Variants in DAPK1 observed in about 807,000 individuals in gnomAD.
DAPK1 encodes the protein death-associated protein kinase 1.
In DAPK1, 56 loss-of-function variants were observed where a neutral mutation model predicts 144.9. That is an observed-to-expected ratio of 0.39 (90% CI 0.31 to 0.48). DAPK1 has a LOEUF of 0.48. DAPK1 is among the 20% of genes least tolerant of loss of function. DAPK1 has a pLI of 0.95. For synonymous variants in DAPK1, 690 were observed against 749.0 expected, an observed-to-expected ratio of 0.92 and a Z score of 1.29; for missense variants, 1,454 against 1,875.4, an observed-to-expected ratio of 0.78 and a Z score of 4.15.
intron 17 of DAPK1, among the ~76,000 whole-genome samples, chr9:87,652,369 T>G (rs1587813313): frequency 1.4e-5 from 1 of 73,068 alleles, no homozygotes; most frequent in Non-Finnish European, 2.8e-5. Flanking sequence ...TCCTCCCACC[T>G]GATCCCGGGT....
intron 2 of DAPK1, among the ~76,000 whole-genome samples, chr9:87,522,779 G>C (rs7866238): frequency 0.6 from 91,226 of 152,030 alleles, 27,771 homozygotes; most frequent in Middle Eastern, 0.71. Context: ...GGCTTCTTTC[G>C]CTGTCTCACA....
At chr9:87,615,473 A>G (rs940894942) in intron 3 of DAPK1, among the ~76,000 whole-genome samples, 2 of 152,236 alleles carry the variant, frequency 1.3e-5, no homozygotes, top group Non-Finnish European at 2.9e-5. Context: ...GGGCTCAAGG[A>G]CCTGGTCTTC....
intron 14 of DAPK1, among the ~76,000 whole-genome samples, chr9:87,647,792 C>T (rs540731483): frequency 1.3e-5 from 2 of 152,282 alleles, no homozygotes; most frequent in Non-Finnish European, 2.9e-5. Context: ...GCTGACCTGA[C>T]AATCACAGAC....
intron 2 of DAPK1, among the ~76,000 whole-genome samples, chr9:87,568,870 G>T (rs577572346): frequency 6.6e-6 from 1 of 152,294 alleles, no homozygotes; most frequent in South Asian, 2.1e-4. Context: ...CCACAGTAAA[G>T]AACTCATTTC....
Position 87,622,677 on chromosome 9 carries a change from G to A in DAPK1, c.285-15266G>A, listed in dbSNP as rs758157125. Among the ~76,000 whole-genome samples, 15 of 152,218 alleles carry A rather than the reference G, an allele frequency of 9.9e-5. No individual in the cohort carries two copies. In the East Asian group the frequency reaches 1.4e-3, roughly 14 times the overall value. ...TGTAATCCTAGCACTTTGGGAGGCC[G>A]AGGCAGGTGGATTGCCTGAGCTCAG... is the stretch of plus-strand genomic sequence containing the variant. On this transcript the variant is annotated intron_variant, in intron 3 of 25. Transcript: ENST00000408954.
rs56092300 is a variant in DAPK1 at position 87,551,151 on chromosome 9, ATTT to A, written c.62+52024_62+52026del. 3.4e-3 allele frequency among the ~76,000 whole-genome samples: 504 copies of A among 147,966 alleles called. 1 individual carries two copies. Among genetic ancestry groups the A allele is most frequent in the African/African-American group, 8.6e-3 (347 of 40,292 alleles). Reference sequence around the variant, plus strand: ...AACATCATCACATCTATTAATTTGAATTTTTTTTTTTTTTGAGGCGGAGTCTCG... The same window carrying A: ...AACATCATCACATCTATTAATTTGAATTTTTTTTTTTGAGGCGGAGTCTCG... On this transcript the variant is annotated intron_variant, in intron 2 of 25. Coordinates refer to ENST00000408954, the MANE Select transcript of DAPK1 (RefSeq NM_004938.4).
chr9:87,643,364 TTTA>T lies in DAPK1; in HGVS notation c.919-11_919-9del, dbSNP rs1306978120. ...CGCCCTCCCTTTTTTTTTTTTTTTT[TTTA>T]AAAAAAAGCAATCCGTTCGCTTGAT... On this transcript the variant is annotated splice_polypyrimidine_tract_variant and intron_variant, in intron 10 of 25. Transcript: ENST00000408954. 1.6e-5 allele frequency: 24 copies of T among 1,506,712 alleles called. No homozygotes were observed. The highest frequency in any genetic ancestry group is 1.2e-4 in the East Asian group (5 of 42,922). 93.3% of individuals were successfully genotyped at this position (1,506,712 alleles called of 1,614,324 possible). A position where few individuals can be genotyped will look rare whatever the true frequency, so the allele number is the denominator to read the frequency against.
At chr9:87,690,975 A>T (rs1825035075) in intron 21 of DAPK1, among the ~76,000 whole-genome samples, 1 of 151,754 alleles carries the variant, frequency 6.6e-6, no homozygotes, top group African/African-American at 2.4e-5. Context: ...TATAATGATG[A>T]TGATGTTGTT....
intron 2 of DAPK1, among the ~76,000 whole-genome samples, chr9:87,563,486 C>T (rs561781225): frequency 8.5e-5 from 13 of 152,308 alleles, no homozygotes; most frequent in Middle Eastern, 6.8e-3. Flanking sequence ...CTTGACTCCC[C>T]GTATTCCCTG....
intron 14 of DAPK1, among the ~76,000 whole-genome samples, 172 bp downstream of exon 14, chr9:87,647,575 C>T (rs960729672): frequency 3.3e-5 from 5 of 152,220 alleles, no homozygotes; most frequent in African/African-American, 1.2e-4. Context: ...TGGTCTAATA[C>T]TGAAATCAGC....
At chr9:87,702,980 G>A (rs766196766) in intron 24 of DAPK1, 49 bp from the exon 25 acceptor site, 3 of 869,356 alleles carry the variant, frequency 3.5e-6, no homozygotes, top group East Asian at 4.9e-5. Context: ...TCTGCTCAGG[G>A]CACCCACAGC....
In DAPK1 at chr9:87,498,990, G is replaced by C; in HGVS notation, c.-88G>C. 9.9e-7 allele frequency: 1 copy of C among 1,014,234 alleles called. No individual in the cohort carries two copies. The highest frequency in any genetic ancestry group is 1.3e-5 in the South Asian group (1 of 76,934). 62.8% of individuals were successfully genotyped at this position (1,014,234 alleles called of 1,614,324 possible). On this transcript the variant is annotated 5_prime_UTR_variant, in exon 2 of 26. Coordinates refer to ENST00000408954, the MANE Select transcript of DAPK1 (RefSeq NM_004938.4). The stretch of plus-strand genomic sequence containing the variant: ...AAAAGGACTGGAGACTGATGCATGA[G>C]GGGGCTACGGAGGCGCAGGAGCGGT...
At chr9:87,673,930 G>A (rs1316412031) in intron 19 of DAPK1, among the ~76,000 whole-genome samples, 5 of 152,146 alleles carry the variant, frequency 3.3e-5, no homozygotes, top group African/African-American at 7.2e-5. Context: ...ACTTCCTTGC[G>A]CTCAGTCAGT....
chr9:87,638,368 C>CTTGGCTACTGGGACAT (rs3841529), intron 4 of DAPK1, among the ~76,000 whole-genome samples: 88,989 of 151,986 alleles, frequency 0.59, 27,100 homozygotes, highest in African/African-American at 0.76. Flanking sequence ...GGGGGCTGCT[C>CTTGGCTACTGGGACAT]TAGCCAGCAG....
At chr9:87,627,226 T>C (rs1201068796) in intron 3 of DAPK1, among the ~76,000 whole-genome samples, 6 of 152,168 alleles carry the variant, frequency 3.9e-5, no homozygotes, top group Non-Finnish European at 7.4e-5. Context: ...CTGAGGGTCC[T>C]CTCTCATCAC....
In DAPK1 at chr9:87,651,644, C is replaced by T; in HGVS notation, c.1744C>T (p.His582Tyr). 1 of 1,614,218 alleles carries T rather than the reference C, an allele frequency of 6.2e-7. No homozygotes were observed. The change falls in exon 17 of 26, where the codon CAT becomes TAT. Residue 582 changes from histidine (H) to tyrosine (Y), a missense_variant. Physicochemically the swap from His to Tyr is moderately conservative, Grantham distance 83 (BLOSUM62 2). This residue lies in a region of DAPK1 where 1,025 missense variants were observed against 1,237.9 expected (regional missense o/e 0.83). Coordinates refer to ENST00000408954, the MANE Select transcript of DAPK1 (RefSeq NM_004938.4). ...AGACAGGCACGGCAATACTCCCCTC[C>T]ATGTGGCATGTAAAGATGGCAACAT... ...YQDRHGNTPLHVACKDGNMPI... is the reference protein window; with the variant it reads ...YQDRHGNTPLYVACKDGNMPI...
At chr9:87,497,701 G>C (rs1053343695), upstream of DAPK1, 4 of 223,066 alleles carry the variant, frequency 1.8e-5, no homozygotes, top group Non-Finnish European at 3.5e-5. Flanking sequence ...AGCGAGCCCG[G>C]AGCGCGGAGC....
intron 2 of DAPK1, among the ~76,000 whole-genome samples, chr9:87,570,785 CA>C (rs34704572): frequency 0.28 from 42,887 of 152,008 alleles, 6,397 homozygotes; most frequent in East Asian, 0.49. Flanking sequence ...ATTTCAGGAA[CA>C]GCAGAGAGGG....
At chr9:87,518,331 T>C (rs1825162161) in intron 2 of DAPK1, among the ~76,000 whole-genome samples, 1 of 150,810 alleles carries the variant, frequency 6.6e-6, no homozygotes, top group East Asian at 1.9e-4. Flanking sequence ...TTTCGCCATG[T>C]TGGCCAGGGT....
Sources: gnomAD v4.1 joint callset for allele counts (sites outside exome capture counted in the v4.1 genomes callset) on GRCh38, gnomAD v4.1.1 for gene constraint, gnomAD v4.1.1 regional missense constraint, MANE v1.5 for transcripts, NCBI Gene and HGNC (gene_info 2026-07-23, HGNC 2026-07-21) for gene names.